SPRED1: variants seen among roughly 807,000 people sequenced by gnomAD.
The protein encoded by SPRED1 is sprouty related EVH1 domain containing 1.
SPRED1 carries 18 observed loss-of-function variants against 52.3 expected under a neutral mutation model. The ratio of observed to expected loss-of-function variants is 0.34; its 90% confidence interval spans 0.24 to 0.51. The LOEUF is 0.51. Among genes scored for constraint, SPRED1 ranks in the 20% least tolerant of loss-of-function variants. The probability of loss-of-function intolerance (pLI) is 0.97; values close to 1 mark genes in which losing one functional copy is unlikely to be tolerated. For missense variants in SPRED1, 485 were observed against 551.0 expected, an observed-to-expected ratio of 0.88 and a Z score of 1.20; for synonymous variants, 155 against 179.7, an observed-to-expected ratio of 0.86 and a Z score of 1.10.
Position 38,356,816 on chromosome 15 carries a change from CTAAAG to C in SPRED1, c.*5153_*5157del, listed in dbSNP as rs1888632451. ...CATATAACCAAAAATAACGAATAAT[CTAAAG>C]GAAAGGTTATTAGGACAGTAATAAA... On this transcript the variant is annotated 3_prime_UTR_variant, in exon 7 of 7. Coordinates refer to ENST00000299084, the MANE Select transcript of SPRED1 (RefSeq NM_152594.3). The C allele has an allele frequency of 6.6e-6, 1 of 151,844 alleles. No individual in the cohort carries two copies. The highest frequency in any genetic ancestry group is 1.5e-5 in the Non-Finnish European group (1 of 67,944). 9.4% of individuals were successfully genotyped at this position (151,844 alleles called of 1,614,324 possible). A position where few individuals can be genotyped will look rare whatever the true frequency, so the allele number is the denominator to read the frequency against.
At chr15:38,346,685 T>TA (rs1274816284) in intron 5 of SPRED1, among the ~76,000 whole-genome samples, 3 of 152,336 alleles carry the variant, frequency 2.0e-5, no homozygotes, top group Non-Finnish European at 4.4e-5. Context: ...TTCAGGTTTT[T>TA]ATTGTTACAG....
At chr15:38,282,580 C>T (rs955464657) in intron 1 of SPRED1, among the ~76,000 whole-genome samples, 2 of 152,088 alleles carry the variant, frequency 1.3e-5, no homozygotes, top group Admixed American at 6.5e-5. Context: ...TGATTTACTC[C>T]ACCTTTGTCT....
chr15:38,346,540 C>A (rs1256172853), intron 5 of SPRED1, among the ~76,000 whole-genome samples: 1 of 152,046 alleles, frequency 6.6e-6, no homozygotes, highest in Non-Finnish European at 1.5e-5. Context: ...AAAGGAACAC[C>A]CCCAATCTAT....
In SPRED1 at chr15:38,354,291, C is replaced by T. The variant is rs1888558037; in HGVS notation, c.*2627C>T. 1.3e-5 allele frequency: 2 copies of T among 152,212 alleles called. No homozygotes were observed. The highest frequency in any genetic ancestry group is 2.9e-5 in the Non-Finnish European group (2 of 68,054). The allele number at this position is 152,212 out of a possible 1,614,324, so 9.4% of individuals were successfully genotyped here. A position where few individuals can be genotyped will look rare whatever the true frequency, so the allele number is the denominator to read the frequency against. ...GTACAGATTCGGCACTGCCAATTGG[C>T]TTTTCCTCTAAAACTTTTCTTTGTT... On this transcript the variant is annotated 3_prime_UTR_variant, in exon 7 of 7. Coordinates refer to ENST00000299084, the MANE Select transcript of SPRED1 (RefSeq NM_152594.3).
chr15:38,343,731 A>G (rs542456533), intron 5 of SPRED1, among the ~76,000 whole-genome samples: 1 of 152,258 alleles, frequency 6.6e-6, no homozygotes, highest in Non-Finnish European at 1.5e-5. Flanking sequence ...CAGGCTCCCT[A>G]TAGCTTTATT....
At chr15:38,299,671 T>G in intron 2 of SPRED1, 124 bp downstream of exon 2, 1 of 1,044,772 alleles carries the variant, frequency 9.6e-7, no homozygotes, top group Non-Finnish European at 1.4e-6. Context: ...TGGAGCTGTT[T>G]CTGTGTTAAA....
chr15:38,349,443 T>G lies in SPRED1; in HGVS notation c.604T>G (p.Leu202Val), dbSNP rs1211776406. 1 of 1,612,606 alleles carries G rather than the reference T, an allele frequency of 6.2e-7. No individual in the cohort carries two copies. Among genetic ancestry groups the G allele is most frequent in the Non-Finnish European group, 8.5e-7 (1 of 1,178,910 alleles). ...TTAGATAACATTTGGTCAGCCAGGC[T>G]TGGACATTCAGAGCAGAAGTATGGA... is the stretch of plus-strand genomic sequence containing the variant. The part of the protein sequence containing the change: ...ANQITFGQPG[L>V]DIQSRSMEYV... Residue 202 changes from leucine (L) to valine (V), a missense_variant, in exon 6 of 7, where the codon TTG (leucine) becomes GTG (valine). Around this residue, in one of 5 missense-constraint regions of SPRED1, gnomAD observed 232 missense variants for 231.8 expected, o/e 1.00. Transcript: ENST00000299084.
intron 5 of SPRED1, among the ~76,000 whole-genome samples, chr15:38,344,808 A>G (rs1454516633): frequency 6.6e-6 from 1 of 152,186 alleles, no homozygotes; most frequent in Non-Finnish European, 1.5e-5. Flanking sequence ...CTTGTAATTG[A>G]TAATTTCTTA....
intron 1 of SPRED1, among the ~76,000 whole-genome samples, chr15:38,281,810 A>C (rs371334479): frequency 5.9e-5 from 9 of 152,226 alleles, no homozygotes; most frequent in African/African-American, 2.2e-4. Context: ...GACATGCTGT[A>C]AAGTTTGGGA....
intron 5 of SPRED1, among the ~76,000 whole-genome samples, chr15:38,345,591 T>C (rs1042790292): frequency 5.3e-5 from 8 of 152,156 alleles, no homozygotes; most frequent in Non-Finnish European, 1.5e-5. Flanking sequence ...CACAGTACAA[T>C]AGTAGCATGA....
intron 1 of SPRED1, among the ~76,000 whole-genome samples, chr15:38,295,659 T>A (rs1046196947): frequency 6.6e-6 from 1 of 152,148 alleles, no homozygotes; most frequent in Non-Finnish European, 1.5e-5. Context: ...CATATTATGT[T>A]TAACATATTA....
chr15:38,334,422 C>T (rs1159182299), intron 4 of SPRED1, among the ~76,000 whole-genome samples: 1 of 151,910 alleles, frequency 6.6e-6, no homozygotes, highest in Non-Finnish European at 1.5e-5. Flanking sequence ...TTCTATTATT[C>T]TTTGTATGAT....
At chr15:38,344,695 G>A (rs1016669637) in intron 5 of SPRED1, among the ~76,000 whole-genome samples, 1 of 151,818 alleles carries the variant, frequency 6.6e-6, no homozygotes, top group Admixed American at 6.6e-5. Flanking sequence ...GAATAATATC[G>A]GTATCTACCT....
intron 4 of SPRED1, among the ~76,000 whole-genome samples, chr15:38,331,464 G>T (rs993448751): frequency 7.2e-5 from 11 of 151,952 alleles, no homozygotes; most frequent in African/African-American, 2.4e-4. Context: ...ATAGAAGTTT[G>T]TCTAAGTCTG....
chr15:38,293,659 CTTA>C (rs1242632843), intron 1 of SPRED1, among the ~76,000 whole-genome samples: 1 of 152,136 alleles, frequency 6.6e-6, no homozygotes, highest in Admixed American at 6.5e-5. Context: ...TGCTTTCTTG[CTTA>C]TTATCATCCT....
chr15:38,326,721 C>T (rs1895715393), intron 4 of SPRED1, among the ~76,000 whole-genome samples: 1 of 152,128 alleles, frequency 6.6e-6, no homozygotes, highest in Admixed American at 6.5e-5. Flanking sequence ...GGCAGAAATA[C>T]CACCTTTGAT....
At chr15:38,306,977 T>C (rs1286670535) in intron 2 of SPRED1, among the ~76,000 whole-genome samples, 2 of 152,210 alleles carry the variant, frequency 1.3e-5, no homozygotes, top group Non-Finnish European at 2.9e-5. Context: ...CTTGGCTTCA[T>C]TGTTCTCTTT....
chr15:38,307,814 T>G (rs1339630023), intron 2 of SPRED1, among the ~76,000 whole-genome samples: 3 of 152,190 alleles, frequency 2.0e-5, no homozygotes, highest in African/African-American at 7.2e-5. Flanking sequence ...ATATTTTTGC[T>G]TATTCTTTCA....
rs1888509991 is a variant in SPRED1, at chr15:38,352,395, T to C, written c.*731T>C. ...TATATTGAGTTATATCTGTACATTC[T>C]GGTAATCTAAAATCCTTAAAAATAC... On this transcript the variant is annotated 3_prime_UTR_variant, in exon 7 of 7. Coordinates refer to ENST00000299084, the MANE Select transcript of SPRED1 (RefSeq NM_152594.3). 6.6e-6 allele frequency: 1 copy of C among 152,504 alleles called. No individual in the cohort carries two copies. Among genetic ancestry groups the C allele is most frequent in the African/African-American group, 2.4e-5 (1 of 41,414 alleles). The allele number at this position is 152,504 out of a possible 1,614,324, so 9.4% of individuals were successfully genotyped here.
Sources: gnomAD v4.1 joint callset for allele counts (sites outside exome capture counted in the v4.1 genomes callset) on GRCh38, gnomAD v4.1.1 for gene constraint, gnomAD v4.1.1 regional missense constraint, MANE v1.5 for transcripts, NCBI Gene and HGNC (gene_info 2026-07-23, HGNC 2026-07-21) for gene names.